ESR1: variants seen among roughly 807,000 people sequenced by gnomAD.
The protein encoded by ESR1 is estrogen receptor 1, also known as estrogen receptor.
In ESR1, 12 loss-of-function variants were observed where a neutral mutation model predicts 52.7. The ratio of observed to expected loss-of-function variants is 0.23; its 90% CI spans 0.15 to 0.37. The LOEUF is 0.37. Among genes scored for constraint, ESR1 ranks in the 10% least tolerant of loss-of-function variants. The pLI is 1.00. For synonymous variants in ESR1, 305 were observed against 316.8 expected (o/e 0.96, Z 0.39); for missense variants, 584 against 779.7 (o/e 0.75, Z 2.99).
intron 2 of ESR1, among the ~76,000 whole-genome samples, chr6:151,862,885 A>G (rs1709180): frequency 0.96 from 145,844 of 152,238 alleles, 69,920 homozygotes; most frequent in East Asian, 1. Flanking sequence ...AGAAAAGAAG[A>G]TTGTAGATGC....
chr6:151,864,548 CA>C (rs1377201144), intron 2 of ESR1, among the ~76,000 whole-genome samples: 1 of 151,898 alleles, frequency 6.6e-6, no homozygotes, highest in African/African-American at 2.4e-5. Flanking sequence ...CAGGGATCTA[CA>C]ACTAGAAATA....
chr6:152,120,638 A>T (rs1338980836), intron 6 of ESR1, among the ~76,000 whole-genome samples: 1 of 152,176 alleles, frequency 6.6e-6, no homozygotes, highest in Non-Finnish European at 1.5e-5. Flanking sequence ...AATGAAGTTA[A>T]GGAAGCAGAG....
At position 152,098,503 on chromosome 6, in the gene ESR1, C is replaced by T. The variant is rs774767920; in HGVS notation, c.1554-229C>T. Among the ~76,000 whole-genome samples the T allele has an allele frequency of 2.6e-5, 4 of 151,854 alleles. No homozygotes were observed. Among genetic ancestry groups the T allele is most frequent in the Non-Finnish European group, 4.4e-5 (3 of 67,980 alleles). On this transcript the variant is annotated intron_variant, in intron 7 of 7. Coordinates refer to ENST00000206249, the MANE Select transcript of ESR1 (RefSeq NM_000125.4). This position sits in a 1 kb window ranked among gnomAD's most constrained non-coding sequence, Gnocchi z 5.1. Reference sequence around the variant, plus strand: ...AGGGAGAGTGTGAGGGTGGGACCGCCCTGGTAGGAGGTGGAAAATGAAAAA... The same window carrying T: ...AGGGAGAGTGTGAGGGTGGGACCGCTCTGGTAGGAGGTGGAAAATGAAAAA...
intron 1 of ESR1, among the ~76,000 whole-genome samples, chr6:151,698,506 G>T (rs1194975497): frequency 6.6e-6 from 1 of 152,138 alleles, no homozygotes; most frequent in South Asian, 2.1e-4. Context: ...GGAAAACTGT[G>T]ATCTCTCCTG....
chr6:151,975,645 T>C lies in ESR1; in HGVS notation c.1096+31137T>C, dbSNP rs149622066. ...AGTCTTTGCTCTTAAAGCTTTCAAT[T>C]GATTGGATGAGGCCTACACACATTA... On this transcript the variant is annotated intron_variant, in intron 4 of 7. Coordinates refer to ENST00000206249, the MANE Select transcript of ESR1 (RefSeq NM_000125.4). Among the ~76,000 whole-genome samples, 30 of 152,290 alleles carry C rather than the reference T, an allele frequency of 2.0e-4. No individual in the cohort carries two copies. In the East Asian group the frequency reaches 3.9e-3, roughly 20 times the overall value.
chr6:152,103,141 G>A lies in ESR1; in HGVS notation c.*4175G>A, dbSNP rs143597986. The A allele has an allele frequency of 1.3e-3, 282 of 211,966 alleles. No individual in the cohort carries two copies. Among genetic ancestry groups the A allele is most frequent in the African/African-American group, 5.7e-3 (254 of 44,228 alleles). 13.1% of individuals were successfully genotyped at this position (211,966 alleles called of 1,614,324 possible). On this transcript the variant is annotated 3_prime_UTR_variant, in exon 8 of 8. Coordinates refer to ENST00000206249, the MANE Select transcript of ESR1 (RefSeq NM_000125.4). Reference sequence around the variant, plus strand: ...ATTACTGATGTGACTCGGTTTTGTCGCAGCTTTGCTTTGTTTAATGAAACA... The same window carrying A: ...ATTACTGATGTGACTCGGTTTTGTCACAGCTTTGCTTTGTTTAATGAAACA...
intron 2 of ESR1, among the ~76,000 whole-genome samples, chr6:151,860,059 A>G (rs916272300): frequency 6.6e-6 from 1 of 152,336 alleles, no homozygotes; most frequent in Non-Finnish European, 1.5e-5. Context: ...AGAGAAAATA[A>G]TTTAACATTT....
chr6:151,691,330 T>A (rs1008583819), intron 1 of ESR1, among the ~76,000 whole-genome samples: 4 of 152,186 alleles, frequency 2.6e-5, no homozygotes, highest in Non-Finnish European at 5.9e-5. Context: ...CATATAGCAG[T>A]GGGCTACTCG....
rs9341068 is a variant in ESR1, at chr6:152,098,852, A to G, written c.1674A>G (p.Ala558=). The G allele has an allele frequency of 1.1e-3, 1,781 of 1,614,184 alleles. 17 individuals carry two copies. In the African/African-American group the frequency reaches 0.021, roughly 19 times the overall value. Residue 558 remains alanine (A), a synonymous_variant, in exon 8 of 8, where the codon GCA becomes GCG. Coordinates refer to ENST00000206249, the MANE Select transcript of ESR1 (RefSeq NM_000125.4). This position sits in a 1 kb window ranked among gnomAD's most constrained non-coding sequence, Gnocchi z 5.1. ...ATGCGCCCACTAGCCGTGGAGGGGC[A>G]TCCGTGGAGGAGACGGACCAAAGCC... ...RLHAPTSRGG[A]SVEETDQSHL... is the part of the protein sequence containing the mutation.
intron 5 of ESR1, among the ~76,000 whole-genome samples, chr6:152,017,620 T>TC (rs1289848273): frequency 1.3e-5 from 2 of 152,064 alleles, no homozygotes; most frequent in African/African-American, 4.8e-5. Flanking sequence ...ACAAAATATG[T>TC]CCTCTGTGTC....
At chr6:151,871,447 A>C (rs1343386861) in intron 2 of ESR1, among the ~76,000 whole-genome samples, 3 of 152,094 alleles carry the variant, frequency 2.0e-5, no homozygotes, top group Non-Finnish European at 4.4e-5. Flanking sequence ...CTAGTCGCCC[A>C]GGCTGGAGTG....
intron 3 of ESR1, among the ~76,000 whole-genome samples, chr6:151,899,286 TGGCCGGGCGGGGGGCTG>T (rs1796147805): frequency 8.2e-6 from 1 of 122,406 alleles, no homozygotes; most frequent in African/African-American, 3.3e-5. Context: ...ACGGGGCGGC[TGGCCGGGCGGGGGGCTG>T]ACCCCCCCAC....
chr6:151,737,143 G>T (rs1782738399), intron 2 of ESR1, among the ~76,000 whole-genome samples: 1 of 151,896 alleles, frequency 6.6e-6, no homozygotes, highest in South Asian at 2.1e-4. Flanking sequence ...CTTTTTTTCA[G>T]CTACATAATG....
At chr6:152,013,977 G>T (rs115605171) in intron 5 of ESR1, among the ~76,000 whole-genome samples, 1 of 152,034 alleles carries the variant, frequency 6.6e-6, no homozygotes. Flanking sequence ...GGAGGGACCC[G>T]GTGGGAGGTA....
At chr6:152,050,795 G>A (rs766694568) in intron 5 of ESR1, among the ~76,000 whole-genome samples, 32 of 152,190 alleles carry the variant, frequency 2.1e-4, no homozygotes, top group Non-Finnish European at 4.0e-4. Context: ...AAAGTTGGGA[G>A]GTTGTTGAAG....
At chr6:152,033,392 C>T (rs1584922989) in intron 5 of ESR1, among the ~76,000 whole-genome samples, 1 of 152,190 alleles carries the variant, frequency 6.6e-6, no homozygotes, top group Non-Finnish European at 1.5e-5. Context: ...GCAATCTACT[C>T]ATTTGACAAA....
chr6:151,928,984 A>G (rs1461326473), intron 3 of ESR1, among the ~76,000 whole-genome samples: 2 of 152,178 alleles, frequency 1.3e-5, no homozygotes, highest in Non-Finnish European at 2.9e-5. Context: ...AATGTGGTCT[A>G]TCTTGGTGCG....
At chr6:151,841,092 G>A (rs4870056) in intron 1 of ESR1, among the ~76,000 whole-genome samples, 68,114 of 152,012 alleles carry the variant, frequency 0.45, 15,554 homozygotes, top group African/African-American at 0.49. Flanking sequence ...TCTTTTACCT[G>A]TGTTTTTAAT....
At chr6:151,704,701 C>T (rs1243687344) in intron 2 of ESR1, among the ~76,000 whole-genome samples, 1 of 152,180 alleles carries the variant, frequency 6.6e-6, no homozygotes, top group Non-Finnish European at 1.5e-5. Flanking sequence ...TTATTTTCTG[C>T]TCTCCATGGC....
Sources: gnomAD v4.1 joint callset for allele counts (sites outside exome capture counted in the v4.1 genomes callset) on GRCh38, gnomAD v4.1.1 for gene constraint, Gnocchi (gnomAD v3.1) non-coding constraint, MANE v1.5 for transcripts, NCBI Gene and HGNC (gene_info 2026-07-23, HGNC 2026-07-21) for gene names.